IL10RB: variants seen among roughly 807,000 people sequenced by gnomAD.
The protein encoded by IL10RB is interleukin 10 receptor subunit beta.
In IL10RB, 30 loss-of-function variants were observed where a neutral mutation model predicts 38.7. The ratio of observed to expected loss-of-function variants is 0.78; its 90% confidence interval spans 0.58 to 1.05. The LOEUF is 1.05. Ranked by LOEUF, IL10RB falls within the 50% of genes least tolerant of loss-of-function variation. The pLI is 0.00. For synonymous variants in IL10RB, 142 were observed against 145.9 expected (o/e 0.97, Z 0.19); for missense variants, 328 against 397.1 (o/e 0.83, Z 1.48).
chr21:33,295,225 G>A (rs557656296), intron 6 of IL10RB, among the ~76,000 whole-genome samples: 4 of 152,118 alleles, frequency 2.6e-5, no homozygotes, highest in African/African-American at 9.7e-5. Flanking sequence ...AGGCAAGGTG[G>A]TGGGCGCCTA....
At chr21:33,285,681 A>C (rs918155450) in intron 5 of IL10RB, among the ~76,000 whole-genome samples, 5 of 152,168 alleles carry the variant, frequency 3.3e-5, no homozygotes, top group Admixed American at 6.5e-5. Context: ...TACCCAAAAT[A>C]AAATAACAGG....
At chr21:33,303,059 T>G (rs1371939151) in intron 1 of IL10RB, among the ~76,000 whole-genome samples, 6 of 152,170 alleles carry the variant, frequency 3.9e-5, no homozygotes, top group African/African-American at 1.4e-4. Flanking sequence ...GCCCAAGGCC[T>G]TCTTCAGGCA....
At chr21:33,288,036 A>T in intron 5 of IL10RB, 68 bp from the exon 6 acceptor site, 2 of 1,448,512 alleles carry the variant, frequency 1.4e-6, no homozygotes, top group Non-Finnish European at 9.7e-7. Context: ...TGTGATGGTT[A>T]AAATGCTCTT....
intron 6 of IL10RB, 22 bp downstream of exon 6, chr21:33,288,283 G>A (rs1489032594): frequency 6.2e-7 from 1 of 1,610,404 alleles, no homozygotes; most frequent in Non-Finnish European, 8.5e-7. Context: ...GGAGTGAGAT[G>A]TGGATTTGAA....
At chr21:33,276,551 T>C in intron 2 of IL10RB, 45 bp from the exon 3 acceptor site, 1 of 1,561,150 alleles carries the variant, frequency 6.4e-7, no homozygotes. Flanking sequence ...TCAGGGAGAC[T>C]GAAGCCAGAA....
intron 6 of IL10RB, among the ~76,000 whole-genome samples, chr21:33,289,996 C>T (rs993343631): frequency 2.0e-5 from 3 of 152,126 alleles, no homozygotes; most frequent in Non-Finnish European, 4.4e-5. Context: ...CGCCTGTAGT[C>T]CCAGCTCCTC....
At chr21:33,266,597 C>G (rs1383625208) in intron 1 of IL10RB, 83 bp downstream of exon 1, 5 of 1,387,882 alleles carry the variant, frequency 3.6e-6, no homozygotes, top group African/African-American at 1.4e-5. Context: ...CCTGGGCGCC[C>G]TGCAAGTGAC....
At chr21:33,309,232 A>G (rs2083006177) in exon 2 of IL10RB, 1 of 152,370 alleles carries the variant, frequency 6.6e-6, no homozygotes, top group South Asian at 2.1e-4. Flanking sequence ...CACCAATAAC[A>G]CCAGCATATG....
At chr21:33,290,159 C>T (rs7281726) in intron 6 of IL10RB, among the ~76,000 whole-genome samples, 60,808 of 150,972 alleles carry the variant, frequency 0.4, 12,621 homozygotes, top group Non-Finnish European at 0.45. Flanking sequence ...GGCATGCTGG[C>T]GCATGCCTGT....
downstream of IL10RB, among the ~76,000 whole-genome samples, chr21:33,301,864 G>T (rs1369825986): frequency 6.6e-6 from 1 of 152,170 alleles, no homozygotes; most frequent in Non-Finnish European, 1.5e-5. Flanking sequence ...GAACCCAAGT[G>T]GTCTGGCTCC....
At position 33,296,393 on chromosome 21, in the gene IL10RB, G is replaced by A. The variant is rs1407573412; in HGVS notation, c.*36G>A. The A allele has an allele frequency of 6.2e-7, 1 of 1,600,960 alleles. No individual in the cohort carries two copies. The highest frequency in any genetic ancestry group is 1.7e-5 in the Admixed American group (1 of 59,922). On this transcript the variant is annotated 3_prime_UTR_variant, in exon 7 of 7. Coordinates refer to ENST00000290200, the MANE Select transcript of IL10RB (RefSeq NM_000628.5). ...GGAAACACACTCGGCTGGGCACAGT[G>A]ACGTACTCCATCTCACATCTGCCTC... is the stretch of plus-strand genomic sequence containing the variant.
chr21:33,286,103 G>A (rs886473650), intron 5 of IL10RB, among the ~76,000 whole-genome samples: 8 of 152,136 alleles, frequency 5.3e-5, no homozygotes, highest in African/African-American at 1.9e-4. Context: ...GGGGTTGGGG[G>A]CGGCACAAGT....
At position 33,296,542 on chromosome 21, in the gene IL10RB, C is replaced by T. The variant is rs1168342930; in HGVS notation, c.*185C>T. 5 of 709,698 alleles carry T rather than the reference C, an allele frequency of 7.0e-6. No individual in the cohort carries two copies. The highest frequency in any genetic ancestry group is 1.3e-5 in the Non-Finnish European group (5 of 394,042). 44.0% of individuals were successfully genotyped at this position (709,698 alleles called of 1,614,324 possible). On this transcript the variant is annotated 3_prime_UTR_variant, in exon 7 of 7. Transcript: ENST00000290200. ...TTTAAAGGCTGTCTTGGCAAAAATA[C>T]TCCATTTGGGAACTCACTGCCTTAT...
intron 4 of IL10RB, among the ~76,000 whole-genome samples, chr21:33,282,198 C>T (rs1989292467): frequency 6.6e-6 from 1 of 152,048 alleles, no homozygotes; most frequent in African/African-American, 2.4e-5. Context: ...GCAGTAGAGG[C>T]ATATAGGCAT....
intron 1 of IL10RB, chr21:33,308,794 G>A (rs2083004857): frequency 1.3e-5 from 2 of 152,298 alleles, no homozygotes; most frequent in African/African-American, 4.8e-5. Context: ...GCCCCGCCTC[G>A]GGCCTACTGG....
chr21:33,275,336 T>G (rs763942062), intron 2 of IL10RB, among the ~76,000 whole-genome samples: 13 of 152,136 alleles, frequency 8.5e-5, no homozygotes, highest in Non-Finnish European at 1.6e-4. Flanking sequence ...TTTTGTATTT[T>G]TAGTAGAGGT....
downstream of IL10RB, among the ~76,000 whole-genome samples, chr21:33,301,361 T>G (rs1282382725): frequency 6.6e-6 from 1 of 152,226 alleles, no homozygotes; most frequent in Non-Finnish European, 1.5e-5. Context: ...ATGAGAACTC[T>G]TAATTAAACA....
At chr21:33,268,711 A>G (rs1989020083) in intron 2 of IL10RB, among the ~76,000 whole-genome samples, 194 bp downstream of exon 2, 1 of 152,132 alleles carries the variant, frequency 6.6e-6, no homozygotes, top group Admixed American at 6.5e-5. Context: ...TAGGTTTTCT[A>G]GTTGTGATGG....
chr21:33,288,404 CA>C, intron 6 of IL10RB, 143 bp downstream of exon 6: 3 of 656,996 alleles, frequency 4.6e-6, no homozygotes, highest in Non-Finnish European at 8.3e-6. Context: ...CACACACACA[CA>C]GACACGCCTC....
Sources: allele counts gnomAD v4.1 joint callset (sites outside exome capture counted in the v4.1 genomes callset), GRCh38; gene constraint gnomAD v4.1.1; transcripts MANE v1.5; gene names NCBI Gene and HGNC (gene_info 2026-07-23, HGNC 2026-07-21).